PTPRM: variants seen among roughly 807,000 people sequenced by gnomAD.
PTPRM encodes the protein protein tyrosine phosphatase receptor type M, also known as receptor-type tyrosine-protein phosphatase mu.
PTPRM carries 47 observed loss-of-function variants against 186.7 expected under a neutral mutation model. The observed-to-expected ratio is 0.25, with a 90% confidence interval of 0.20 to 0.32. PTPRM has a LOEUF of 0.32. Among genes scored for constraint, PTPRM ranks in the 10% least tolerant of loss-of-function variants. The pLI is 1.00. For missense variants in PTPRM, 1,494 were observed against 1,865.0 expected, an observed-to-expected ratio of 0.80 and a Z score of 3.66; for synonymous variants, 668 against 674.9, an observed-to-expected ratio of 0.99 and a Z score of 0.16.
At chr18:8,355,183 A>G (rs1302064780) in intron 23 of PTPRM, among the ~76,000 whole-genome samples, 1 of 152,290 alleles carries the variant, frequency 6.6e-6, no homozygotes, top group East Asian at 1.9e-4. Context: ...GCATCAAGCA[A>G]AGGGATGAAA....
chr18:7,770,831 T>TGG (rs142360033), intron 1 of PTPRM, among the ~76,000 whole-genome samples: 3 of 152,082 alleles, frequency 2.0e-5, no homozygotes, highest in African/African-American at 7.3e-5. Context: ...TTTGTTATTT[T>TGG]GGGGGGGTCC....
chr18:8,256,984 A>C (rs886311979), intron 19 of PTPRM, among the ~76,000 whole-genome samples: 1 of 152,190 alleles, frequency 6.6e-6, no homozygotes. Flanking sequence ...ACATGGCGCC[A>C]GGGATACAGA....
intron 1 of PTPRM, among the ~76,000 whole-genome samples, chr18:7,613,944 G>A (rs1464568149): frequency 6.6e-6 from 1 of 152,160 alleles, no homozygotes; most frequent in African/African-American, 2.4e-5. Flanking sequence ...AACATTTATA[G>A]TCTTACTGGG....
At chr18:8,314,071 T>G (rs1472330773) in intron 20 of PTPRM, among the ~76,000 whole-genome samples, 1 of 152,202 alleles carries the variant, frequency 6.6e-6, no homozygotes, top group Non-Finnish European at 1.5e-5. Context: ...CAGATAATTT[T>G]TTTTACCCTG....
chr18:8,246,120 A>C (rs992565111), intron 15 of PTPRM, among the ~76,000 whole-genome samples: 2 of 152,172 alleles, frequency 1.3e-5, no homozygotes, highest in African/African-American at 2.4e-5. Context: ...CTAGAGGTAG[A>C]TATCATAATA....
chr18:8,066,872 G>A (rs960197622), intron 7 of PTPRM, among the ~76,000 whole-genome samples: 1 of 152,148 alleles, frequency 6.6e-6, no homozygotes, highest in Non-Finnish European at 1.5e-5. Context: ...AAATGTATGG[G>A]AAATGTGAGA....
At chr18:7,927,487 T>A (rs1007774189) in intron 5 of PTPRM, among the ~76,000 whole-genome samples, 3 of 151,800 alleles carry the variant, frequency 2.0e-5, no homozygotes, top group African/African-American at 2.4e-5. Context: ...TTTTTTTTTT[T>A]AAAGTATTAT....
chr18:8,210,232 A>G (rs1004816127), intron 14 of PTPRM, among the ~76,000 whole-genome samples: 1 of 151,880 alleles, frequency 6.6e-6, no homozygotes. Flanking sequence ...AATCTATTGA[A>G]CCCGGGAGGC....
chr18:8,291,870 G>A (rs79854998), intron 19 of PTPRM, among the ~76,000 whole-genome samples: 2 of 151,012 alleles, frequency 1.3e-5, no homozygotes. Flanking sequence ...AAAAAAAAAG[G>A]AAGGAGGGTG....
intron 7 of PTPRM, among the ~76,000 whole-genome samples, chr18:8,049,773 G>T (rs934608014): frequency 6.6e-6 from 1 of 150,860 alleles, no homozygotes; most frequent in Non-Finnish European, 1.5e-5. Context: ...GTGCAGTGGC[G>T]CAGTCTCAGC....
chr18:7,629,579 A>G (rs2038143013), intron 1 of PTPRM, among the ~76,000 whole-genome samples: 1 of 152,100 alleles, frequency 6.6e-6, no homozygotes, highest in African/African-American at 2.4e-5. Context: ...TGTTTTAGGA[A>G]CTGAAAGGTC....
chr18:8,254,825 G>A (rs543395488), intron 19 of PTPRM, among the ~76,000 whole-genome samples: 1 of 152,322 alleles, frequency 6.6e-6, no homozygotes, highest in East Asian at 1.9e-4. Context: ...ACTTCTTTTA[G>A]GAATAAGGCT....
chr18:7,790,519 G>A (rs1393700149), intron 2 of PTPRM, among the ~76,000 whole-genome samples: 1 of 152,190 alleles, frequency 6.6e-6, no homozygotes, highest in Admixed American at 6.5e-5. Context: ...ACACAAAGAG[G>A]AAGGGATTAT....
At chr18:8,360,608 A>G (rs952807827) in intron 23 of PTPRM, among the ~76,000 whole-genome samples, 21 of 152,294 alleles carry the variant, frequency 1.4e-4, no homozygotes, top group Non-Finnish European at 2.8e-4. Flanking sequence ...CTGGTATTGC[A>G]CTGGATTACT....
chr18:7,917,530 T>C (rs1251763627), intron 4 of PTPRM, among the ~76,000 whole-genome samples: 2 of 152,156 alleles, frequency 1.3e-5, no homozygotes, highest in Non-Finnish European at 2.9e-5. Flanking sequence ...AGTGAGACTC[T>C]GTCTAAAAAA....
chr18:8,229,952 T>C (rs11661214), intron 14 of PTPRM, among the ~76,000 whole-genome samples: 30,186 of 152,192 alleles, frequency 0.2, 3,371 homozygotes, highest in African/African-American at 0.3. Flanking sequence ...TCCTCACCAG[T>C]GACTCATCGT....
At chr18:7,646,410 C>T (rs146361737) in intron 1 of PTPRM, among the ~76,000 whole-genome samples, 171 of 152,216 alleles carry the variant, frequency 1.1e-3, no homozygotes, top group African/African-American at 4.0e-3. Context: ...AAGATGATAA[C>T]GGTGGATAAA....
chr18:8,378,507 G>C, intron 27 of PTPRM, 93 bp downstream of exon 27: 1 of 1,477,064 alleles, frequency 6.8e-7, no homozygotes, highest in Non-Finnish European at 9.2e-7. Flanking sequence ...TGAATCACAA[G>C]GTTCCTTGGC....
Position 8,379,346 on chromosome 18 carries a change from T to A in PTPRM, c.3786+6T>A, listed in dbSNP as rs1179195489. On this transcript the variant is annotated splice_donor_region_variant and intron_variant, in intron 28 of 32. Coordinates refer to ENST00000580170, the MANE Select transcript of PTPRM (RefSeq NM_001105244.2). ...TCAATGCTGCCCTCATGGACGTGAGTGCCCCGCTTCCCGCACGGGTCCGAG... is the reference window on the plus strand; with the variant it reads ...TCAATGCTGCCCTCATGGACGTGAGAGCCCCGCTTCCCGCACGGGTCCGAG... 6.2e-7 allele frequency: 1 copy of A among 1,603,128 alleles called. No homozygotes were observed. Among genetic ancestry groups the A allele is most frequent in the South Asian group, 1.1e-5 (1 of 89,758 alleles).
Sources: allele counts gnomAD v4.1 joint callset (sites outside exome capture counted in the v4.1 genomes callset), GRCh38; gene constraint gnomAD v4.1.1; transcripts MANE v1.5; gene names NCBI Gene and HGNC (gene_info 2026-07-23, HGNC 2026-07-21).